VDR: variants seen among roughly 807,000 people sequenced by gnomAD.
VDR encodes the protein vitamin D3 receptor.
In VDR, 19 loss-of-function variants were observed where a neutral mutation model predicts 39.7. The ratio of observed to expected loss-of-function variants is 0.48; its 90% CI spans 0.33 to 0.70. The LOEUF is 0.70. VDR is among the 30% of genes least tolerant of loss of function. The probability of loss-of-function intolerance (pLI) is 0.02; values close to 1 mark genes in which losing one functional copy is unlikely to be tolerated. For missense variants in VDR, 442 were observed against 570.5 expected (o/e 0.77, Z 2.29); for synonymous variants, 242 against 215.8 (o/e 1.12, Z -1.07).
intron 7 of VDR, among the ~76,000 whole-genome samples, chr12:47,852,640 G>T (rs773236605): frequency 2.0e-5 from 3 of 152,162 alleles, no homozygotes; most frequent in Non-Finnish European, 4.4e-5. Context: ...TTAATTCCAG[G>T]GGAAGAGCAT....
chr12:47,904,801 C>T, intron 1 of VDR, 154 bp downstream of exon 1: 1 of 582,348 alleles, frequency 1.7e-6, no homozygotes. Context: ...GTCCCAGCCT[C>T]ATGGCACGAC....
At chr12:47,880,931 G>C (rs1946137362) in intron 2 of VDR, among the ~76,000 whole-genome samples, 1 of 147,248 alleles carries the variant, frequency 6.8e-6, no homozygotes, top group South Asian at 2.1e-4. Context: ...AATTTTAGCA[G>C]CTACATATAC....
intron 3 of VDR, among the ~76,000 whole-genome samples, chr12:47,877,162 G>C (rs1462061938): frequency 1.3e-5 from 2 of 152,172 alleles, no homozygotes; most frequent in African/African-American, 4.8e-5. Context: ...AAGATGGAAG[G>C]ATCGCTTGAG....
chr12:47,889,474 G>A (rs1199772722), intron 1 of VDR, among the ~76,000 whole-genome samples: 1 of 152,150 alleles, frequency 6.6e-6, no homozygotes, highest in African/African-American at 2.4e-5. Context: ...GCTCCTGCCC[G>A]ACTAACTCCA....
intron 1 of VDR, chr12:47,901,579 T>C (rs1946561293): frequency 6.4e-6 from 1 of 155,112 alleles, no homozygotes; most frequent in Admixed American, 6.5e-5. Context: ...AGGTGACCTA[T>C]GTCCTTTATC....
rs1215283155 is a variant in VDR, at chr12:47,846,640, G to A, written c.907+17C>T. 6.2e-7 allele frequency: 1 copy of A among 1,613,120 alleles called. No individual in the cohort carries two copies. Among genetic ancestry groups the A allele is most frequent in the Non-Finnish European group, 8.5e-7 (1 of 1,180,022 alleles). ...GGAGCTGAAAAAGACTCCCCAGGAG[G>A]TGGAGTCTAGGCATACCTTTGGTCA... On this transcript the variant is annotated intron_variant, in intron 8 of 9. Transcript: ENST00000549336.
intron 9 of VDR, among the ~76,000 whole-genome samples, chr12:47,845,387 A>G (rs1308197143): frequency 6.6e-6 from 1 of 151,898 alleles, no homozygotes; most frequent in Non-Finnish European, 1.5e-5. Flanking sequence ...CCTTTGGATA[A>G]CAGCTTAAAA....
chr12:47,882,810 G>A (rs770438356), intron 1 of VDR, 36 bp from the exon 2 acceptor site: 92 of 1,515,036 alleles, frequency 6.1e-5, no homozygotes, highest in Admixed American at 3.6e-4. Flanking sequence ...TATCTAAGGC[G>A]GAGCGCTGAC....
intron 3 of VDR, among the ~76,000 whole-genome samples, chr12:47,866,977 C>T (rs1422988981): frequency 6.6e-6 from 1 of 151,136 alleles, no homozygotes; most frequent in Non-Finnish European, 1.5e-5. Flanking sequence ...GCCTGGGCAA[C>T]AGAGCAAGAC....
At chr12:47,856,534 A>G (rs1387435319) in intron 6 of VDR, among the ~76,000 whole-genome samples, 3 of 151,994 alleles carry the variant, frequency 2.0e-5, no homozygotes, top group Non-Finnish European at 4.4e-5. Flanking sequence ...ACTAACTGGT[A>G]TGGAAAAACA....
chr12:47,880,273 T>C (rs2137206559), intron 2 of VDR, among the ~76,000 whole-genome samples: 1 of 152,246 alleles, frequency 6.6e-6, no homozygotes, highest in South Asian at 2.1e-4. Flanking sequence ...CCTCCTGCCC[T>C]TGGGTGACAG....
intron 2 of VDR, among the ~76,000 whole-genome samples, chr12:47,882,439 G>A (rs187732325): frequency 5.3e-5 from 8 of 152,216 alleles, no homozygotes; most frequent in Admixed American, 2.6e-4. Context: ...AACATCAGAC[G>A]CACAGGAGAG....
chr12:47,866,964 C>G (rs1299832907), intron 3 of VDR, among the ~76,000 whole-genome samples: 1 of 152,014 alleles, frequency 6.6e-6, no homozygotes, highest in African/African-American at 2.4e-5. Flanking sequence ...CCACTGCACT[C>G]CAGCCTGGGC....
rs1263771159 is a variant in VDR, at chr12:47,841,602, G to A, written c.*3144C>T. The A allele has an allele frequency of 1.3e-5, 2 of 152,342 alleles. No homozygotes were observed. Among genetic ancestry groups the A allele is most frequent in the Non-Finnish European group, 1.5e-5 (1 of 68,044 alleles). 9.4% of individuals were successfully genotyped at this position (152,342 alleles called of 1,614,324 possible). On this transcript the variant is annotated 3_prime_UTR_variant, in exon 10 of 10. Coordinates refer to ENST00000549336, the MANE Select transcript of VDR (RefSeq NM_000376.3). ...CAAAGTAAGTGCTATATAAGTATGA[G>A]CCATTTTTATTACCATAAGCAAAGC...
intron 3 of VDR, among the ~76,000 whole-genome samples, chr12:47,871,195 A>C (rs373585544): frequency 2.0e-5 from 3 of 152,298 alleles, no homozygotes; most frequent in East Asian, 3.9e-4. Flanking sequence ...CATGGGCGCA[A>C]TGGTGGTTAC....
intron 1 of VDR, among the ~76,000 whole-genome samples, chr12:47,886,703 T>C (rs1254375165): frequency 6.6e-6 from 1 of 152,224 alleles, no homozygotes; most frequent in African/African-American, 2.4e-5. Flanking sequence ...AATCTCAAGA[T>C]TGGAAGGCAA....
At chr12:47,846,941 G>T in intron 7 of VDR, 133 bp from the exon 8 acceptor site, 1 of 1,052,512 alleles carries the variant, frequency 9.5e-7, no homozygotes, top group African/African-American at 1.6e-5. Flanking sequence ...CGAGGAGCTT[G>T]CAGGCTGGCT....
At chr12:47,880,591 T>C (rs1946126702) in intron 2 of VDR, among the ~76,000 whole-genome samples, 1 of 152,112 alleles carries the variant, frequency 6.6e-6, no homozygotes, top group African/African-American at 2.4e-5. Context: ...TTATCATCAG[T>C]CCCAAAGGGA....
At chr12:47,902,438 G>A (rs11574024) in intron 1 of VDR, among the ~76,000 whole-genome samples, 2 of 152,176 alleles carry the variant, frequency 1.3e-5, no homozygotes, top group Admixed American at 6.5e-5. Context: ...GGCTCAAACT[G>A]TCTTGGAGTC....
Sources: allele counts gnomAD v4.1 joint callset (sites outside exome capture counted in the v4.1 genomes callset), GRCh38; gene constraint gnomAD v4.1.1; transcripts MANE v1.5; gene names NCBI Gene and HGNC (gene_info 2026-07-23, HGNC 2026-07-21).